FBN3: variants seen among roughly 807,000 people sequenced by gnomAD.
FBN3 encodes fibrillin 3, also known as fibrillin-3.
A neutral mutation model predicts 330.1 loss-of-function variants in FBN3; 234 were observed. That is an observed-to-expected ratio of 0.71 (90% CI 0.64 to 0.79). The LOEUF (loss-of-function observed/expected upper bound fraction) is 0.79, where lower values mean the gene tolerates loss of function less well. Ranked by LOEUF, FBN3 falls within the 30% of genes least tolerant of loss-of-function variation. FBN3 has a pLI of 0.00. For missense variants in FBN3, 3,606 were observed against 3,886.9 expected (o/e 0.93, Z 1.92); for synonymous variants, 1,458 against 1,517.3 (o/e 0.96, Z 0.91).
intron 37 of FBN3, among the ~76,000 whole-genome samples, chr19:8,107,753 G>A (rs1204044435): frequency 6.0e-5 from 9 of 150,990 alleles, no homozygotes. Flanking sequence ...ATGGATGGAG[G>A]ATGGCTGGAT....
At chr19:8,128,424 C>T (rs2144947680) in intron 18 of FBN3, among the ~76,000 whole-genome samples, 1 of 152,136 alleles carries the variant, frequency 6.6e-6, no homozygotes, top group South Asian at 2.1e-4. Flanking sequence ...ATTATCTGGG[C>T]TTGGTGACGG....
At chr19:8,083,186 G>C in intron 57 of FBN3, 61 bp downstream of exon 57, 1 of 1,599,604 alleles carries the variant, frequency 6.3e-7, no homozygotes. Flanking sequence ...GTTGAGTTCA[G>C]GGGCTGCACA....
In FBN3 at chr19:8,131,391, G is replaced by A. The variant is rs2144970170; in HGVS notation, c.1991-103C>T. The A allele has an allele frequency of 4.7e-6, 7 of 1,484,352 alleles. No homozygotes were observed. Among genetic ancestry groups the A allele is most frequent in the Non-Finnish European group, 6.5e-6 (7 of 1,079,012 alleles). 91.9% of individuals were successfully genotyped at this position (1,484,352 alleles called of 1,614,324 possible). ...CCCTCTGGTCTTGGGCAAGAGTTTG[G>A]GACTAAGACACAACTCCAACCCCGG... On this transcript the variant is annotated intron_variant, in intron 15 of 63. Coordinates refer to ENST00000600128, the MANE Select transcript of FBN3 (RefSeq NM_032447.5). The surrounding 1 kb of genome is among the most constrained non-coding windows in gnomAD (Gnocchi z 4.5).
intron 13 of FBN3, 25 bp downstream of exon 13, chr19:8,135,936 G>GGGGGGGGGGGGGGCGC: frequency 3.0e-6 from 2 of 668,776 alleles, no homozygotes; most frequent in African/African-American, 2.0e-5. Context: ...GGAAGCCCCT[G>GGGGGGGGGGGGGGCGC]CCCACCCGCC....
rs182096231 is a variant in FBN3, at chr19:8,099,881, G to A, written c.5161+1020C>T. On this transcript the variant is annotated intron_variant, in intron 41 of 63. Coordinates refer to ENST00000600128, the MANE Select transcript of FBN3 (RefSeq NM_032447.5). ...AAAAATTAGCCAGGCATGGTGGCAG[G>A]TGCCTATAATCTCAGCTACTCGGGA... Among the ~76,000 whole-genome samples, 306 of 151,650 alleles carry A rather than the reference G, an allele frequency of 2.0e-3. 1 individual carries two copies. Among genetic ancestry groups the A allele is most frequent in the African/African-American group, 7.1e-3 (292 of 41,346 alleles).
intron 59 of FBN3, among the ~76,000 whole-genome samples, chr19:8,080,106 G>A (rs1182693147): frequency 1.3e-5 from 2 of 152,256 alleles, no homozygotes; most frequent in Non-Finnish European, 2.9e-5. Flanking sequence ...GTGATTGTAA[G>A]CAAGCGGGCT....
In FBN3 at chr19:8,125,895, C is replaced by T. The variant is rs775664860; in HGVS notation, c.2728G>A (p.Val910Met). Residue 910 changes from valine (V) to methionine (M), a missense_variant, in exon 22 of 64, where the codon GTG (valine) becomes ATG (methionine). Transcript: ENST00000600128. Reference sequence around the variant, plus strand: ...TGCGGACCTCGCCTGGACTCACCCACGCACAGCCGGCCTGAGGCGTCCAGC... The same window carrying T: ...TGCGGACCTCGCCTGGACTCACCCATGCACAGCCGGCCTGAGGCGTCCAGC... ...LMLDASGRLCVDVRLEPCFLR... is the reference protein window; with the variant it reads ...LMLDASGRLCMDVRLEPCFLR... 105 of 1,611,494 alleles carry T rather than the reference C, an allele frequency of 6.5e-5. No individual in the cohort carries two copies. Among genetic ancestry groups the T allele is most frequent in the Non-Finnish European group, 8.5e-5 (100 of 1,179,360 alleles).
chr19:8,102,914 C>A (rs776008864), intron 39 of FBN3, 41 bp from the exon 40 acceptor site: 1 of 1,602,558 alleles, frequency 6.2e-7, no homozygotes, highest in East Asian at 2.2e-5. Flanking sequence ...GTAAGGGTCA[C>A]CTAAATCAGT....
At position 8,117,570 on chromosome 19, in the gene FBN3, C is replaced by T. The variant is rs1477112110; in HGVS notation, c.3357G>A (p.Leu1119=). The T allele has an allele frequency of 6.4e-7, 1 of 1,553,656 alleles. No individual in the cohort carries two copies. Among genetic ancestry groups the T allele is most frequent in the Non-Finnish European group, 8.7e-7 (1 of 1,147,958 alleles). ...GGCCATGGGGACACAGGCCATCACT[C>T]AGGGAGCACTCATCGATGTCTGTGG... ...TACEDIDECS[L]SDGLCPHGQC... Residue 1119 remains leucine, a synonymous_variant, in exon 27 of 64, where the codon CTG becomes CTA. Coordinates refer to ENST00000600128, the MANE Select transcript of FBN3 (RefSeq NM_032447.5).
At chr19:8,098,231 C>G (rs1419820782) in intron 41 of FBN3, among the ~76,000 whole-genome samples, 1 of 152,098 alleles carries the variant, frequency 6.6e-6, no homozygotes, top group Non-Finnish European at 1.5e-5. Context: ...CAAAAGGGGA[C>G]TTGAAAGAAC....
Position 8,111,187 on chromosome 19 carries a change from A to G in FBN3, c.4085-4T>C, listed in dbSNP as rs1484574685. 1 of 1,586,498 alleles carries G rather than the reference A, an allele frequency of 6.3e-7. No homozygotes were observed. Among genetic ancestry groups the G allele is most frequent in the Admixed American group, 1.7e-5 (1 of 57,766 alleles). On this transcript the variant is annotated splice_region_variant and splice_polypyrimidine_tract_variant and intron_variant, in intron 32 of 63. Coordinates refer to ENST00000600128, the MANE Select transcript of FBN3 (RefSeq NM_032447.5). Reference sequence around the variant, plus strand: ...TTCTCGGCACATTCATCCCTGTCTGAGGGGCCCCAAGATTCGGAGGGCTGG... The same window carrying G: ...TTCTCGGCACATTCATCCCTGTCTGGGGGGCCCCAAGATTCGGAGGGCTGG...
In FBN3 at chr19:8,111,515, C is replaced by T. The variant is rs1448980800; in HGVS notation, c.4084+133G>A. On this transcript the variant is annotated intron_variant, in intron 32 of 63. Coordinates refer to ENST00000600128, the MANE Select transcript of FBN3 (RefSeq NM_032447.5). ...AGCACCGCCTGGGCCGAGGACACAG[C>T]CTCTCCAGCACCCACAGAGCGGCGA... 4.8e-6 allele frequency: 5 copies of T among 1,041,822 alleles called. No individual in the cohort carries two copies. In the African/African-American group the frequency reaches 4.8e-5, roughly 10 times the overall value. The allele number at this position is 1,041,822 out of a possible 1,614,324, so 64.5% of individuals were successfully genotyped here.
intron 10 of FBN3, 46 bp from the exon 11 acceptor site, chr19:8,136,577 C>T: frequency 1.9e-6 from 3 of 1,607,470 alleles, no homozygotes; most frequent in Non-Finnish European, 8.5e-7. Context: ...GCTGGCCCCG[C>T]CCCAGTCTGG....
chr19:8,081,257 A>G, intron 58 of FBN3, 101 bp downstream of exon 58: 2 of 1,492,392 alleles, frequency 1.3e-6, no homozygotes, highest in Non-Finnish European at 1.8e-6. Context: ...CTCCATGCAG[A>G]TGGGAGGGGG....
chr19:8,111,327 G>T, intron 32 of FBN3, 144 bp from the exon 33 acceptor site: 1 of 1,094,954 alleles, frequency 9.1e-7, no homozygotes, highest in Non-Finnish European at 1.3e-6. Flanking sequence ...CCTGACTTGG[G>T]GGTGGGAGGC....
intron 18 of FBN3, among the ~76,000 whole-genome samples, chr19:8,128,660 G>A (rs967905162): frequency 1.3e-5 from 2 of 152,126 alleles, no homozygotes; most frequent in African/African-American, 4.8e-5. Flanking sequence ...AAGTGTCTTT[G>A]AGTATGCATG....
At chr19:8,082,383 C>G (rs2081817113) in intron 57 of FBN3, among the ~76,000 whole-genome samples, 1 of 142,756 alleles carries the variant, frequency 7.0e-6, no homozygotes, top group Non-Finnish European at 1.5e-5. Flanking sequence ...TCTTTCTCTT[C>G]TTTCTTCTCT....
Position 8,091,541 on chromosome 19 carries a change from A to C in FBN3, c.5955T>G (p.Cys1985Trp). 1 of 1,614,200 alleles carries C rather than the reference A, an allele frequency of 6.2e-7. No individual in the cohort carries two copies. The highest frequency in any genetic ancestry group is 2.2e-5 in the East Asian group (1 of 44,890). Residue 1985 changes from cysteine to tryptophan, a missense_variant, in exon 48 of 64, where the codon TGT (cysteine) becomes TGG (tryptophan). By Grantham distance (215) the Cys-to-Trp change is radical. Coordinates refer to ENST00000600128, the MANE Select transcript of FBN3 (RefSeq NM_032447.5). ...ACTGGAAGCTCCCAGGGCTGTTGGT[A>C]CAGGTGCCAAAGAGGCAGAGGTTGG... is the stretch of plus-strand genomic sequence containing the variant. The part of the protein sequence containing the change: ...EEPNLCLFGT[C>W]TNSPGSFQCL...
At chr19:8,135,936 G>GGGGGGGGGGGGGGGGCCGCCCCCC in intron 13 of FBN3, 25 bp downstream of exon 13, 1 of 668,774 alleles carries the variant, frequency 1.5e-6, no homozygotes, top group Non-Finnish European at 2.4e-6. Context: ...GGAAGCCCCT[G>GGGGGGGGGGGGGGGGCCGCCCCCC]CCCACCCGCC....
Sources: allele counts gnomAD v4.1 joint callset (sites outside exome capture counted in the v4.1 genomes callset), GRCh38; gene constraint gnomAD v4.1.1; non-coding constraint Gnocchi (gnomAD v3.1); transcripts MANE v1.5; gene names NCBI Gene and HGNC (gene_info 2026-07-23, HGNC 2026-07-21).